Variants in ALG10 observed in about 807,000 individuals in gnomAD.
ALG10 encodes the protein dol-P-Glc:Glc(2)Man(9)GlcNAc(2)-PP-Dol alpha-1,2-glucosyltransferase A.
A neutral mutation model predicts 39.2 loss-of-function variants in ALG10; 25 were observed. The ratio of observed to expected loss-of-function variants is 0.64; its 90% CI spans 0.46 to 0.89. The LOEUF (loss-of-function observed/expected upper bound fraction) is 0.89, where lower values mean the gene tolerates loss of function less well. ALG10 is among the 40% of genes least tolerant of loss of function. The pLI, the probability that ALG10 is intolerant of heterozygous loss-of-function variation, is 0.00. For missense variants in ALG10, 486 were observed against 546.6 expected, an observed-to-expected ratio of 0.89 and a Z score of 1.11; for synonymous variants, 184 against 193.9, an observed-to-expected ratio of 0.95 and a Z score of 0.42.
At position 34,027,915 on chromosome 12, in the gene ALG10, C is replaced by G. The variant is rs1378303405; in HGVS notation, c.*1000C>G. 1 of 152,236 alleles carries G rather than the reference C, an allele frequency of 6.6e-6. No homozygotes were observed. The highest frequency in any genetic ancestry group is 2.4e-5 in the African/African-American group (1 of 41,452). The allele number at this position is 152,236 out of a possible 1,614,324, so 9.4% of individuals were successfully genotyped here. ...TGCAGACAGCAATCTTCACTCCAGT[C>G]TCTGCCTCTGTGTTCACACGGCCTT... On this transcript the variant is annotated 3_prime_UTR_variant, in exon 3 of 3. Coordinates refer to ENST00000266483, the MANE Select transcript of ALG10 (RefSeq NM_032834.4).
chr12:34,027,487 A>G lies in ALG10; in HGVS notation c.*572A>G, dbSNP rs964601869. The G allele has an allele frequency of 6.6e-6, 1 of 152,650 alleles. No homozygotes were observed. The highest frequency in any genetic ancestry group is 2.4e-5 in the African/African-American group (1 of 41,452). The allele number at this position is 152,650 out of a possible 1,614,324, so 9.5% of individuals were successfully genotyped here. ...ATGCATAGATAGTAAATGATAAAGTAGAGACTCATATATGCCTGTCTAGAC... is the reference window on the plus strand; with the variant it reads ...ATGCATAGATAGTAAATGATAAAGTGGAGACTCATATATGCCTGTCTAGAC... On this transcript the variant is annotated 3_prime_UTR_variant, in exon 3 of 3. Transcript: ENST00000266483.
At chr12:34,022,488 G>A, upstream of ALG10, 5 of 1,561,738 alleles carry the variant, frequency 3.2e-6, no homozygotes, top group Non-Finnish European at 2.6e-6. Context: ...ATGTGGCCCC[G>A]TCTGGCTAGT....
Position 34,022,677 on chromosome 12 carries a change from C to T in ALG10, c.78C>T (p.Ala26=), listed in dbSNP as rs373496694. 1.6e-5 allele frequency: 26 copies of T among 1,614,070 alleles called. No homozygotes were observed. The highest frequency in any genetic ancestry group is 2.1e-5 in the Non-Finnish European group (25 of 1,180,034). Residue 26 remains alanine (A), a synonymous_variant, in exon 1 of 3, where the codon GCC becomes GCT. Coordinates refer to ENST00000266483, the MANE Select transcript of ALG10 (RefSeq NM_032834.4). ...TFLVSCLLFS[A]FSRALREPYM... ...TAGTATCCTGCCTCCTCTTCTCCGC[C>T]TTCAGCCGGGCGTTGCGAGAGCCCT... is the stretch of plus-strand genomic sequence containing the variant.
At chr12:34,022,473 C>A (rs1390866745), upstream of ALG10, 5 of 1,474,002 alleles carry the variant, frequency 3.4e-6, no homozygotes, top group Admixed American at 5.2e-5. Flanking sequence ...CCTTTGCCTT[C>A]CGGTATGTGG....
Position 34,024,066 on chromosome 12 carries a change from C to T in ALG10, c.276C>T (p.Ser92=). The change falls in exon 2 of 3, where the codon TCC becomes TCT. Residue 92 remains serine (S), a synonymous_variant. Transcript: ENST00000266483. ...IFGWSEHVVC[S]IGMLRFVNLL... ...GATGGTCTGAACATGTTGTCTGCTC[C>T]ATTGGGATGCTCAGATTTGTTAATC... 6.2e-7 allele frequency: 1 copy of T among 1,614,120 alleles called. No individual in the cohort carries two copies. Among genetic ancestry groups the T allele is most frequent in the Admixed American group, 1.7e-5 (1 of 60,022 alleles).
At chr12:34,023,105 A>G (rs1053978519) in intron 1 of ALG10, 6 of 273,100 alleles carry the variant, frequency 2.2e-5, no homozygotes, top group Admixed American at 2.0e-4. Context: ...TGGAAATACC[A>G]GAAAACTTTC....
chr12:34,026,859 C>T lies in ALG10; in HGVS notation c.1366C>T (p.Leu456=), dbSNP rs1377334596. The T allele has an allele frequency of 6.9e-5, 111 of 1,613,532 alleles. No homozygotes were observed. Among genetic ancestry groups the T allele is most frequent in the Non-Finnish European group, 9.4e-5 (111 of 1,179,770 alleles). The change falls in exon 3 of 3, where the codon CTG becomes TTG. Residue 456 remains leucine (L), a synonymous_variant. Transcript: ENST00000266483. Reference sequence around the variant, plus strand: ...TAATTTCATAACTTTTTTCATCTTTCTGAACAAGACTTTTCAGTGGCCAAA... The same window carrying T: ...TAATTTCATAACTTTTTTCATCTTTTTGAACAAGACTTTTCAGTGGCCAAA... ...VVNFITFFIF[L]NKTFQWPNSQ... is the part of the protein sequence containing the mutation.
chr12:34,022,446 C>T, upstream of ALG10: 1 of 1,225,548 alleles, frequency 8.2e-7, no homozygotes. Flanking sequence ...CTTTCCGGAT[C>T]CGCGCTCTCC....
chr12:34,022,684 C>G lies in ALG10; in HGVS notation c.85C>G (p.Arg29Gly). ...VSCLLFSAFS[R>G]ALREPYMDEI... is the part of the protein sequence containing the mutation. Reference sequence around the variant, plus strand: ...CTGCCTCCTCTTCTCCGCCTTCAGCCGGGCGTTGCGAGAGCCCTACATGGA... The same window carrying G: ...CTGCCTCCTCTTCTCCGCCTTCAGCGGGGCGTTGCGAGAGCCCTACATGGA... Residue 29 changes from arginine (R) to glycine (G), a missense_variant, in exon 1 of 3, where the codon CGG (arginine) becomes GGG (glycine). By Grantham distance (125) the Arg-to-Gly change is moderately radical. Coordinates refer to ENST00000266483, the MANE Select transcript of ALG10 (RefSeq NM_032834.4). 1 of 1,614,126 alleles carries G rather than the reference C, an allele frequency of 6.2e-7. No individual in the cohort carries two copies. Among genetic ancestry groups the G allele is most frequent in the Non-Finnish European group, 8.5e-7 (1 of 1,180,014 alleles).
chr12:34,023,483 G>T (rs1388518242), intron 1 of ALG10: 1 of 180,322 alleles, frequency 5.5e-6, no homozygotes, highest in Non-Finnish European at 1.2e-5. Context: ...AGAAATTCAG[G>T]TTACTCATCT....
Position 34,023,781 on chromosome 12 carries a change from G to A in ALG10, c.172-181G>A, listed in dbSNP as rs1942803742. 8 of 736,292 alleles carry A rather than the reference G, an allele frequency of 1.1e-5. No individual in the cohort carries two copies. In the South Asian group the frequency reaches 1.3e-4, roughly 12 times the overall value. 45.6% of individuals were successfully genotyped at this position (736,292 alleles called of 1,614,324 possible). On this transcript the variant is annotated intron_variant, in intron 1 of 2. Coordinates refer to ENST00000266483, the MANE Select transcript of ALG10 (RefSeq NM_032834.4). ...TGCTACCTGAACCATCACTAAGCTG[G>A]TCCGGGGGCAAAAAATAAGAAAAAC... is the stretch of plus-strand genomic sequence containing the variant.
chr12:34,026,608 TGTTA>T lies in ALG10; in HGVS notation c.1119_1122del (p.Leu373PhefsTer11). On this transcript the variant is annotated frameshift_variant, in exon 3 of 3. Coordinates refer to ENST00000266483, the MANE Select transcript of ALG10 (RefSeq NM_032834.4). LOFTEE classifies it high-confidence loss of function. Reference sequence around the variant, plus strand: ...CAAAGATATGAAACTGTAAAATATTTGTTAGTTCCAGCCTATATATTTGCTGGTT... The same window carrying T: ...CAAAGATATGAAACTGTAAAATATTTGTTCCAGCCTATATATTTGCTGGTT... 6.2e-7 allele frequency: 1 copy of T among 1,613,978 alleles called. No individual in the cohort carries two copies. Among genetic ancestry groups the T allele is most frequent in the East Asian group, 2.2e-5 (1 of 44,848 alleles).
chr12:34,023,676 A>G (rs1299018618), intron 1 of ALG10: 5 of 423,172 alleles, frequency 1.2e-5, no homozygotes, highest in South Asian at 2.3e-5. Flanking sequence ...TTTGCAGTTT[A>G]TTTATCAAAA....
Position 34,022,780 on chromosome 12 carries a change from C to A in ALG10, c.171+10C>A. 5.0e-6 allele frequency: 8 copies of A among 1,614,134 alleles called. No individual in the cohort carries two copies. The highest frequency in any genetic ancestry group is 5.9e-6 in the Non-Finnish European group (7 of 1,180,016). ...TTTCTCCCTTTCCCAGGTGGGGTCC[C>A]CAACCTGTCCCCACCCCAGGAGAGG... On this transcript the variant is annotated intron_variant, in intron 1 of 2. Transcript: ENST00000266483.
At chr12:34,022,858 C>G in intron 1 of ALG10, 88 bp downstream of exon 1, 2 of 1,568,774 alleles carry the variant, frequency 1.3e-6, no homozygotes, top group African/African-American at 1.4e-5. Context: ...TTCACTCGTC[C>G]TGTTCCACCC....
Position 34,026,539 on chromosome 12 carries a change from C to A in ALG10, c.1046C>A (p.Ala349Glu). Reference protein sequence around the residue: ...KFTYAHKYLLADNRHYTFYVW... With the variant: ...KFTYAHKYLLEDNRHYTFYVW... ...ACTTATGCTCATAAATACTTGCTAG[C>A]AGACAATAGACATTATACTTTCTAT... is the stretch of plus-strand genomic sequence containing the variant. The change falls in exon 3 of 3, where the codon GCA becomes GAA. Residue 349 changes from alanine to glutamate, a missense_variant. Transcript: ENST00000266483. 6.2e-7 allele frequency: 1 copy of A among 1,613,706 alleles called. No individual in the cohort carries two copies. The highest frequency in any genetic ancestry group is 1.3e-5 in the African/African-American group (1 of 74,994).
chr12:34,023,876 T>A (rs1942804700), intron 1 of ALG10, 86 bp from the exon 2 acceptor site: 1 of 1,499,574 alleles, frequency 6.7e-7, no homozygotes, highest in African/African-American at 1.4e-5. Context: ...TGATTGTTGC[T>A]GGAGATGAGA....
chr12:34,026,863 A>G lies in ALG10; in HGVS notation c.1370A>G (p.Asn457Ser), dbSNP rs1942839043. The G allele has an allele frequency of 2.5e-6, 4 of 1,613,660 alleles. No homozygotes were observed. Among genetic ancestry groups the G allele is most frequent in the African/African-American group, 2.7e-5 (2 of 74,902 alleles). Residue 457 changes from asparagine to serine, a missense_variant, in exon 3 of 3, where the codon AAC becomes AGC. By Grantham distance (46) the Asn-to-Ser change is conservative. Coordinates refer to ENST00000266483, the MANE Select transcript of ALG10 (RefSeq NM_032834.4). ...VNFITFFIFLNKTFQWPNSQD... is the reference protein window; with the variant it reads ...VNFITFFIFLSKTFQWPNSQD... ...TTCATAACTTTTTTCATCTTTCTGA[A>G]CAAGACTTTTCAGTGGCCAAATAGT...
Position 34,026,592 on chromosome 12 carries a change from G to A in ALG10, c.1099G>A (p.Glu367Lys), listed in dbSNP as rs776013020. The A allele has an allele frequency of 7.4e-6, 12 of 1,613,758 alleles. No homozygotes were observed. The Admixed American group carries it at 2.0e-4, about 27-fold the overall frequency. Residue 367 changes from glutamate (E) to lysine (K), a missense_variant, in exon 3 of 3, where the codon GAA becomes AAA. Coordinates refer to ENST00000266483, the MANE Select transcript of ALG10 (RefSeq NM_032834.4). The part of the protein sequence containing the change: ...YVWKRVFQRY[E>K]TVKYLLVPAY... ...GTGGAAAAGAGTTTTTCAAAGATAT[G>A]AAACTGTAAAATATTTGTTAGTTCC...
Sources: allele counts gnomAD v4.1 joint callset, GRCh38; gene constraint gnomAD v4.1.1; transcripts MANE v1.5; gene names NCBI Gene and HGNC (gene_info 2026-07-23, HGNC 2026-07-21).